Variants in RBFOX1 observed in about 807,000 individuals in gnomAD.
RBFOX1 encodes RNA binding fox-1 homolog 1, also known as RNA binding protein fox-1 homolog 1.
Under a neutral mutation model 57.7 loss-of-function variants are expected in RBFOX1, and 8 were observed. The observed-to-expected ratio is 0.14, with a 90% CI of 0.08 to 0.25. The LOEUF is 0.25. Ranked by LOEUF, RBFOX1 falls within the 10% of genes least tolerant of loss-of-function variation. The pLI, the probability that RBFOX1 is intolerant of heterozygous loss-of-function variation, is 1.00. For synonymous variants in RBFOX1, 326 were observed against 222.4 expected (o/e 1.47, Z -4.15); for missense variants, 611 against 548.5 (o/e 1.11, Z -1.14).
chr16:6,415,810 A>T (rs151105231), intron 2 of RBFOX1, among the ~76,000 whole-genome samples: 1 of 152,220 alleles, frequency 6.6e-6, no homozygotes, highest in Non-Finnish European at 1.5e-5. Context: ...TGCAGACGCA[A>T]ATGACTGTTC....
chr16:5,815,896 A>G (rs1567578141), intron 3 of RBFOX1, among the ~76,000 whole-genome samples: 1 of 152,104 alleles, frequency 6.6e-6, no homozygotes, highest in Non-Finnish European at 1.5e-5. Context: ...GGGCTGCGTT[A>G]GGTTTGAAAT....
intron 3 of RBFOX1, among the ~76,000 whole-genome samples, chr16:6,877,801 T>C (rs920131865): frequency 1.3e-5 from 2 of 152,006 alleles, no homozygotes; most frequent in Admixed American, 1.3e-4. Flanking sequence ...ACATTTTGCT[T>C]GTGTAACTAG....
intron 4 of RBFOX1, among the ~76,000 whole-genome samples, chr16:6,005,103 T>A (rs180700524): frequency 3.3e-5 from 5 of 152,038 alleles, no homozygotes; most frequent in African/African-American, 9.7e-5. Flanking sequence ...AAGCCAAGAG[T>A]CCATTTCTTA....
In RBFOX1 at chr16:6,865,327, T is replaced by C. The variant is rs191442562; in HGVS notation, c.-15-186730T>C. On this transcript the variant is annotated intron_variant, in intron 3 of 15. Coordinates refer to ENST00000550418, the MANE Select transcript of RBFOX1 (RefSeq NM_018723.4). ...CTGGAGTGGGTTTTTTAAGTACTTATAATAATTACTTGAATAATATGTGTT... is the reference window on the plus strand; with the variant it reads ...CTGGAGTGGGTTTTTTAAGTACTTACAATAATTACTTGAATAATATGTGTT... 1.2e-3 allele frequency among the ~76,000 whole-genome samples: 189 copies of C among 152,218 alleles called. 1 individual carries two copies. Among genetic ancestry groups the C allele is most frequent in the African/African-American group, 3.8e-3 (159 of 41,532 alleles).
At chr16:6,775,321 C>A in intron 3 of RBFOX1, among the ~76,000 whole-genome samples, 1 of 120,332 alleles carries the variant, frequency 8.3e-6, no homozygotes, top group South Asian at 2.8e-4. Flanking sequence ...TACAGCGAGA[C>A]TCTGTCTCAA....
intron 3 of RBFOX1, among the ~76,000 whole-genome samples, chr16:5,782,327 C>G (rs1043341081): frequency 6.6e-6 from 1 of 152,150 alleles, no homozygotes; most frequent in Admixed American, 6.5e-5. Context: ...GTGCTTCATC[C>G]AAGAATGTTG....
chr16:5,766,197 C>T (rs756089282), intron 3 of RBFOX1, among the ~76,000 whole-genome samples: 3 of 152,122 alleles, frequency 2.0e-5, no homozygotes, highest in Non-Finnish European at 2.9e-5. Flanking sequence ...CTTGTCTAGC[C>T]ATGATGTGGG....
chr16:7,116,610 A>T (rs1358359984), intron 4 of RBFOX1, among the ~76,000 whole-genome samples: 1 of 152,172 alleles, frequency 6.6e-6, no homozygotes, highest in Non-Finnish European at 1.5e-5. Flanking sequence ...AACAAAGCCC[A>T]CAGCAGCTGT....
chr16:7,220,335 G>T (rs1345010607), intron 4 of RBFOX1, among the ~76,000 whole-genome samples: 2 of 152,090 alleles, frequency 1.3e-5, no homozygotes, highest in East Asian at 3.9e-4. Context: ...TTCTAAACTT[G>T]GTGTCATTCA....
chr16:6,519,221 C>A (rs1214471315), intron 2 of RBFOX1, among the ~76,000 whole-genome samples: 2 of 152,054 alleles, frequency 1.3e-5, no homozygotes, highest in Non-Finnish European at 2.9e-5. Context: ...GCCCTGCCTA[C>A]CACACTGGGT....
At chr16:6,567,367 A>G (rs1377716992) in intron 2 of RBFOX1, among the ~76,000 whole-genome samples, 1 of 152,138 alleles carries the variant, frequency 6.6e-6, no homozygotes, top group Non-Finnish European at 1.5e-5. Context: ...AGATTATACA[A>G]CTACTGAGTA....
At chr16:5,879,225 G>A (rs1190275193) in intron 4 of RBFOX1, among the ~76,000 whole-genome samples, 6 of 152,230 alleles carry the variant, frequency 3.9e-5, no homozygotes, top group Admixed American at 3.9e-4. Flanking sequence ...TCTCAAGAAG[G>A]CTTCCTGAGT....
chr16:6,063,956 C>G (rs1437341582), intron 1 of RBFOX1, among the ~76,000 whole-genome samples: 3 of 152,162 alleles, frequency 2.0e-5, no homozygotes, highest in African/African-American at 4.8e-5. Flanking sequence ...TATTTCCAAG[C>G]ATATTTAACC....
At chr16:6,810,358 C>G (rs1411145860) in intron 3 of RBFOX1, among the ~76,000 whole-genome samples, 2 of 152,106 alleles carry the variant, frequency 1.3e-5, no homozygotes, top group East Asian at 1.9e-4. Flanking sequence ...ATTTTTTCCT[C>G]TCCTTGTCCA....
chr16:6,048,645 C>T lies in RBFOX1; in HGVS notation c.-127+28653C>T, dbSNP rs1007247312. On this transcript the variant is annotated intron_variant, in intron 1 of 15. Transcript: ENST00000550418. Reference sequence around the variant, plus strand: ...TCCAGCAAACCCTTAAAATTTAGCTCGCTTTTAATATACTGTGACCTTCAG... The same window carrying T: ...TCCAGCAAACCCTTAAAATTTAGCTTGCTTTTAATATACTGTGACCTTCAG... Among the ~76,000 whole-genome samples the T allele has an allele frequency of 5.3e-5, 8 of 152,262 alleles. No individual in the cohort carries two copies. In the South Asian group the frequency reaches 6.2e-4, roughly 12 times the overall value.
intron 1 of RBFOX1, among the ~76,000 whole-genome samples, chr16:5,292,451 C>T (rs1014642297): frequency 1.3e-5 from 2 of 152,124 alleles, no homozygotes; most frequent in Non-Finnish European, 2.9e-5. Context: ...AACACTCAGC[C>T]ATGTTGTTAA....
At chr16:7,423,930 C>T (rs559061169) in intron 4 of RBFOX1, among the ~76,000 whole-genome samples, 1 of 152,154 alleles carries the variant, frequency 6.6e-6, no homozygotes, top group Admixed American at 6.5e-5. Context: ...GTTTTAATCC[C>T]AAGAAGTCAC....
At chr16:5,908,594 C>T (rs1052508216) in intron 4 of RBFOX1, among the ~76,000 whole-genome samples, 1 of 152,004 alleles carries the variant, frequency 6.6e-6, no homozygotes, top group African/African-American at 2.4e-5. Flanking sequence ...CTCAAGTGAT[C>T]CACCCACCTT....
intron 3 of RBFOX1, among the ~76,000 whole-genome samples, chr16:6,683,588 T>C (rs866322865): frequency 6.6e-6 from 1 of 152,166 alleles, no homozygotes; most frequent in African/African-American, 2.4e-5. Flanking sequence ...TGTATACATG[T>C]GTGTGTGTAT....
Sources: gnomAD v4.1 joint callset for allele counts (sites outside exome capture counted in the v4.1 genomes callset) on GRCh38, gnomAD v4.1.1 for gene constraint, MANE v1.5 for transcripts, NCBI Gene and HGNC (gene_info 2026-07-23, HGNC 2026-07-21) for gene names.